PRPF19: variants seen among roughly 807,000 people sequenced by gnomAD.
PRPF19 encodes the protein pre-mRNA-processing factor 19.
A neutral mutation model predicts 64.2 loss-of-function variants in PRPF19; 2 were observed. That is an observed-to-expected ratio of 0.03 (90% CI 0.01 to 0.10). PRPF19 has a LOEUF of 0.10. Among genes scored for constraint, PRPF19 ranks in the 10% least tolerant of loss-of-function variants. The probability of loss-of-function intolerance (pLI) is 1.00; values close to 1 mark genes in which losing one functional copy is unlikely to be tolerated. For missense variants in PRPF19, 314 were observed against 650.0 expected, an observed-to-expected ratio of 0.48 and a Z score of 5.62; for synonymous variants, 226 against 251.6, an observed-to-expected ratio of 0.90 and a Z score of 0.96.
intron 15 of PRPF19, among the ~76,000 whole-genome samples, chr11:60,893,928 T>A (rs927102175): frequency 6.6e-6 from 1 of 152,188 alleles, no homozygotes; most frequent in Non-Finnish European, 1.5e-5. Context: ...CAAAAAAAAA[T>A]GTTATGTTTA....
At chr11:60,891,686 C>T (rs951152403) in intron 15 of PRPF19, among the ~76,000 whole-genome samples, 1 of 152,208 alleles carries the variant, frequency 6.6e-6, no homozygotes, top group Non-Finnish European at 1.5e-5. Flanking sequence ...AGATAAGAGG[C>T]AGATGAGGCT....
chr11:60,892,014 T>C (rs145647370), intron 15 of PRPF19, among the ~76,000 whole-genome samples: 68 of 152,310 alleles, frequency 4.5e-4, no homozygotes, highest in Non-Finnish European at 8.2e-4. Flanking sequence ...CACACAGCAG[T>C]AGCTCCCATT....
intron 1 of PRPF19, among the ~76,000 whole-genome samples, chr11:60,905,850 C>CCTGG (rs1164339008): frequency 6.6e-6 from 1 of 152,242 alleles, no homozygotes; most frequent in Non-Finnish European, 1.5e-5. Flanking sequence ...GAGCCAGATA[C>CCTGG]CTGGCTGCCA....
intron 15 of PRPF19, among the ~76,000 whole-genome samples, chr11:60,891,759 T>C (rs1233645981): frequency 6.6e-6 from 1 of 152,176 alleles, no homozygotes; most frequent in Admixed American, 6.5e-5. Context: ...CTTCTAGATT[T>C]AGGATCACAC....
rs1379024996 is a variant in PRPF19, at chr11:60,903,704, A to G, written c.169+8T>C. ...AGATGGCCCTAGACTAAGGCAGCCA[A>G]TAGGCACCTTTGATGTCGATGAGCT... On this transcript the variant is annotated splice_region_variant and intron_variant, in intron 2 of 15. Coordinates refer to ENST00000227524, the MANE Select transcript of PRPF19 (RefSeq NM_014502.5). 6.9e-6 allele frequency: 11 copies of G among 1,588,654 alleles called. No homozygotes were observed. The South Asian group carries it at 1.1e-4, about 16-fold the overall frequency.
Position 60,898,937 on chromosome 11 carries a change from G to GAA in PRPF19, c.985-8_985-7dup. Reference sequence around the variant, plus strand: ...ATGTCAGAGAAAGCCCAGTACTGGGGAAAAAAAAAGAGACAATGGAGTCAG... The same window carrying GAA: ...ATGTCAGAGAAAGCCCAGTACTGGGGAAAAAAAAAAAGAGACAATGGAGTCAG... On this transcript the variant is annotated splice_polypyrimidine_tract_variant and splice_region_variant and intron_variant, in intron 11 of 15. Transcript: ENST00000227524. The surrounding 1 kb of genome is among the most constrained non-coding windows in gnomAD (Gnocchi z 4.6). The GAA allele has an allele frequency of 6.4e-7, 1 of 1,566,430 alleles. No homozygotes were observed. Among genetic ancestry groups the GAA allele is most frequent in the Non-Finnish European group, 8.7e-7 (1 of 1,151,094 alleles).
intron 2 of PRPF19, 65 bp downstream of exon 2, chr11:60,903,647 C>T (rs1401059071): frequency 8.9e-6 from 14 of 1,577,614 alleles, no homozygotes; most frequent in African/African-American, 1.4e-5. Flanking sequence ...AGTGCACTGG[C>T]ACCACCTCCC....
Position 60,906,416 on chromosome 11 carries a change from C to CGGGCTCCGGGACTAGCTTCTG in PRPF19, c.-55_-35dup. 1.3e-6 allele frequency: 2 copies of CGGGCTCCGGGACTAGCTTCTG among 1,549,674 alleles called. No homozygotes were observed. The highest frequency in any genetic ancestry group is 1.7e-6 in the Non-Finnish European group (2 of 1,149,674). The stretch of plus-strand genomic sequence containing the variant: ...CACCGTGCTCCGAGGCGCCACACGC[C>CGGGCTCCGGGACTAGCTTCTG]GGGCTCCGGGACTAGCTTCTGAGCC... On this transcript the variant is annotated 5_prime_UTR_variant, in exon 1 of 16. Transcript: ENST00000227524.
chr11:60,893,837 A>AGAACCTGGGAGGTGGAGGTTGCAT (rs1855891336), intron 15 of PRPF19, among the ~76,000 whole-genome samples: 1 of 151,668 alleles, frequency 6.6e-6, no homozygotes, highest in African/African-American at 2.4e-5. Flanking sequence ...CACCTGTGCT[A>AGAACCTGGGAGGTGGAGGTTGCAT]GAACCTGGGA....
chr11:60,903,997 G>T, intron 1 of PRPF19, 136 bp from the exon 2 acceptor site: 1 of 1,094,796 alleles, frequency 9.1e-7, no homozygotes, highest in Non-Finnish European at 1.3e-6. Flanking sequence ...TTGACCCTAA[G>T]CCAGTTCTGT....
Position 60,902,513 on chromosome 11 carries a change from C to A in PRPF19, c.463-48G>T, listed in dbSNP as rs71488495. 144 of 1,608,666 alleles carry A rather than the reference C, an allele frequency of 9.0e-5. No homozygotes were observed. Among genetic ancestry groups the A allele is most frequent in the Non-Finnish European group, 1.2e-4 (139 of 1,175,120 alleles). ...TGAGAGGCACAGAGCACCAAAGACA[C>A]CTGCATAAGGACAGTTCTGTGGGCC... On this transcript the variant is annotated intron_variant, in intron 5 of 15. Coordinates refer to ENST00000227524, the MANE Select transcript of PRPF19 (RefSeq NM_014502.5). The surrounding 1 kb of genome is among the most constrained non-coding windows in gnomAD (Gnocchi z 5.0).
chr11:60,895,774 G>A (rs1194012387), intron 15 of PRPF19, among the ~76,000 whole-genome samples: 2 of 152,106 alleles, frequency 1.3e-5, no homozygotes, highest in African/African-American at 4.8e-5. Flanking sequence ...CCATAATACG[G>A]TTATTAACTG....
Position 60,898,221 on chromosome 11 carries a change from G to C in PRPF19, c.1191C>G (p.Ser397Arg), listed in dbSNP as rs1855943200. 1 of 1,614,158 alleles carries C rather than the reference G, an allele frequency of 6.2e-7. No individual in the cohort carries two copies. Among genetic ancestry groups the C allele is most frequent in the Non-Finnish European group, 8.5e-7 (1 of 1,180,042 alleles). Residue 397 changes from serine to arginine, a missense_variant, in exon 14 of 16, where the codon AGC becomes AGG. Around this residue, in one of 7 missense-constraint regions of PRPF19, gnomAD observed 175 missense variants for 342.9 expected, o/e 0.51. Coordinates refer to ENST00000227524, the MANE Select transcript of PRPF19 (RefSeq NM_014502.5). The surrounding 1 kb of genome is among the most constrained non-coding windows in gnomAD (Gnocchi z 4.6). ...AGTAACCATTCTCAGAGAAGGCGATGCTAGTGATGGGGCCCGAGTGGCCAG... is the reference window on the plus strand; with the variant it reads ...AGTAACCATTCTCAGAGAAGGCGATCCTAGTGATGGGGCCCGAGTGGCCAG... ...NFPGHSGPIT[S>R]IAFSENGYYL...
rs780245757 is a variant in PRPF19 at position 60,902,499 on chromosome 11, G to A, written c.463-34C>T. On this transcript the variant is annotated intron_variant, in intron 5 of 15. Coordinates refer to ENST00000227524, the MANE Select transcript of PRPF19 (RefSeq NM_014502.5). This position sits in a 1 kb window ranked among gnomAD's most constrained non-coding sequence, Gnocchi z 5.0. Reference sequence around the variant, plus strand: ...AAGAAAGGTGAGGGTGAGAGGCACAGAGCACCAAAGACACCTGCATAAGGA... The same window carrying A: ...AAGAAAGGTGAGGGTGAGAGGCACAAAGCACCAAAGACACCTGCATAAGGA... 1 of 1,611,276 alleles carries A rather than the reference G, an allele frequency of 6.2e-7. No individual in the cohort carries two copies. Among genetic ancestry groups the A allele is most frequent in the Non-Finnish European group, 8.5e-7 (1 of 1,177,394 alleles).
At position 60,903,521 on chromosome 11, in the gene PRPF19, G is replaced by T; in HGVS notation, c.184C>A (p.Arg62=). The change falls in exon 3 of 16, where the codon CGG becomes AGG. Residue 62 remains arginine, a synonymous_variant. Transcript: ENST00000227524. ...CTGGTGGCTGAGGGAGGCTTGGGCC[G>T]GATTGGGTGAGCAACTGCCGAAAGG... The part of the protein sequence containing the change: ...LIDIKVAHPI[R]PKPPSATSIP... 6.2e-7 allele frequency: 1 copy of T among 1,614,058 alleles called. No homozygotes were observed. The highest frequency in any genetic ancestry group is 8.5e-7 in the Non-Finnish European group (1 of 1,180,010).
At position 60,898,976 on chromosome 11, in the gene PRPF19, C is replaced by T; in HGVS notation, c.985-45G>A. ...CAATGGAGTCAGTGAGAAAGTGGGT[C>T]CCAGGTTCTGGTGGCCCTTCAGCAA... On this transcript the variant is annotated intron_variant, in intron 11 of 15. Coordinates refer to ENST00000227524, the MANE Select transcript of PRPF19 (RefSeq NM_014502.5). The surrounding 1 kb of genome is among the most constrained non-coding windows in gnomAD (Gnocchi z 4.6). 1 of 1,541,402 alleles carries T rather than the reference C, an allele frequency of 6.5e-7. No individual in the cohort carries two copies. Among genetic ancestry groups the T allele is most frequent in the Non-Finnish European group, 8.8e-7 (1 of 1,135,092 alleles).
At chr11:60,904,839 C>G (rs1434024792) in intron 1 of PRPF19, among the ~76,000 whole-genome samples, 1 of 152,170 alleles carries the variant, frequency 6.6e-6, no homozygotes, top group Non-Finnish European at 1.5e-5. Flanking sequence ...TCACTGGTCA[C>G]TAGTGACGAC....
rs1228896210 is a variant in PRPF19 at position 60,898,766 on chromosome 11, T to C, written c.1054+96A>G. 1.3e-6 allele frequency: 2 copies of C among 1,512,450 alleles called. No individual in the cohort carries two copies. The highest frequency in any genetic ancestry group is 8.9e-7 in the Non-Finnish European group (1 of 1,122,174). The allele number at this position is 1,512,450 out of a possible 1,614,324, so 93.7% of individuals were successfully genotyped here. ...GCACTAGACAGGTGCTCATGGTAAA[T>C]ATATCTTTAGAACAAATAAACAAAT... On this transcript the variant is annotated intron_variant, in intron 12 of 15. Coordinates refer to ENST00000227524, the MANE Select transcript of PRPF19 (RefSeq NM_014502.5). The surrounding 1 kb of genome is among the most constrained non-coding windows in gnomAD (Gnocchi z 4.6).
chr11:60,906,387 C>A lies in PRPF19; in HGVS notation c.-5G>T. On this transcript the variant is annotated 5_prime_UTR_variant, in exon 1 of 16. Transcript: ENST00000227524. ...ACTGGAGCAGATTAGGGACATGGCG[C>A]CGTCACCGTGCTCCGAGGCGCCACA... 6.3e-7 allele frequency: 1 copy of A among 1,591,780 alleles called. No homozygotes were observed.
Sources: allele counts gnomAD v4.1 joint callset (sites outside exome capture counted in the v4.1 genomes callset), GRCh38; gene constraint gnomAD v4.1.1; regional missense constraint gnomAD v4.1.1; non-coding constraint Gnocchi (gnomAD v3.1); transcripts MANE v1.5; gene names NCBI Gene and HGNC (gene_info 2026-07-23, HGNC 2026-07-21).